The following NCKAP5L variants were observed in gnomAD, a reference collection of about 807,000 sequenced individuals.
NCKAP5L encodes nck-associated protein 5-like.
A neutral mutation model predicts 103.2 loss-of-function variants in NCKAP5L; 54 were observed. That is an observed-to-expected ratio of 0.52 (90% CI 0.42 to 0.66). NCKAP5L has a LOEUF of 0.66. NCKAP5L is among the 30% of genes least tolerant of loss of function. NCKAP5L has a pLI of 0.00. For missense variants in NCKAP5L, 1,733 were observed against 1,750.6 expected, an observed-to-expected ratio of 0.99 and a Z score of 0.18; for synonymous variants, 762 against 748.6, an observed-to-expected ratio of 1.02 and a Z score of -0.29.
intron 1 of NCKAP5L, among the ~76,000 whole-genome samples, chr12:49,809,948 C>T (rs1331482358): frequency 2.0e-5 from 3 of 152,090 alleles, no homozygotes; most frequent in Non-Finnish European, 4.4e-5. Flanking sequence ...TACATCCCCC[C>T]AACTTCCGTT....
intron 1 of NCKAP5L, among the ~76,000 whole-genome samples, chr12:49,818,820 G>A (rs1305107922): frequency 6.6e-6 from 1 of 152,156 alleles, no homozygotes; most frequent in Non-Finnish European, 1.5e-5. Context: ...CAAGGATGTG[G>A]AGAAAAGGGA....
intron 1 of NCKAP5L, among the ~76,000 whole-genome samples, chr12:49,806,691 C>T (rs1032451867): frequency 6.6e-6 from 1 of 152,238 alleles, no homozygotes; most frequent in East Asian, 1.9e-4. Context: ...CTCCTCTGCA[C>T]ACACCCAAGC....
chr12:49,799,279 T>C (rs941247388), intron 6 of NCKAP5L, among the ~76,000 whole-genome samples: 3 of 151,942 alleles, frequency 2.0e-5, no homozygotes, highest in Non-Finnish European at 2.9e-5. Flanking sequence ...TCTTTTTTTT[T>C]CTTTAAACTA....
intron 1 of NCKAP5L, among the ~76,000 whole-genome samples, chr12:49,817,509 A>T (rs1946311740): frequency 6.6e-6 from 1 of 152,188 alleles, no homozygotes; most frequent in African/African-American, 2.4e-5. Context: ...AGCTGAGCAA[A>T]AGTTTGTTCT....
At chr12:49,804,916 C>T (rs547116999) in intron 2 of NCKAP5L, 1 of 152,310 alleles carries the variant, frequency 6.6e-6, no homozygotes, top group Non-Finnish European at 1.5e-5. Flanking sequence ...TGGGTTATCC[C>T]AGGGCAAGGT....
chr12:49,816,448 G>T (rs546154826), intron 1 of NCKAP5L, among the ~76,000 whole-genome samples: 2 of 130,612 alleles, frequency 1.5e-5, no homozygotes, highest in Non-Finnish European at 3.1e-5. Flanking sequence ...GTGAGGAAGG[G>T]ACATTTTCAG....
At chr12:49,793,968 A>T (rs1171210501) in intron 8 of NCKAP5L, 72 bp from the exon 9 acceptor site, 5 of 1,350,954 alleles carry the variant, frequency 3.7e-6, no homozygotes, top group Non-Finnish European at 4.9e-6. Flanking sequence ...GCACCCGCCA[A>T]TGGTGCTGGG....
chr12:49,824,307 C>CATGG (rs1946392595), intron 1 of NCKAP5L, among the ~76,000 whole-genome samples: 1 of 152,186 alleles, frequency 6.6e-6, no homozygotes, highest in Non-Finnish European at 1.5e-5. Context: ...CCGAACAGCC[C>CATGG]CACGCCACAG....
At chr12:49,812,986 G>A (rs1300971174) in intron 1 of NCKAP5L, among the ~76,000 whole-genome samples, 2 of 152,104 alleles carry the variant, frequency 1.3e-5, no homozygotes, top group African/African-American at 4.8e-5. Flanking sequence ...CTAATACAGT[G>A]TAAATGCTAT....
At chr12:49,814,575 A>G (rs1211819257) in intron 1 of NCKAP5L, among the ~76,000 whole-genome samples, 1 of 151,436 alleles carries the variant, frequency 6.6e-6, no homozygotes, top group East Asian at 1.9e-4. Flanking sequence ...TTCCTGGATG[A>G]CTTTTCCCTT....
chr12:49,813,136 A>G (rs60062868), intron 1 of NCKAP5L, among the ~76,000 whole-genome samples: 56,296 of 152,008 alleles, frequency 0.37, 10,738 homozygotes, highest in South Asian at 0.46. Context: ...GTATAGATGT[A>G]TGTTTTCCTT....
At chr12:49,798,262 AAC>A in intron 7 of NCKAP5L, 86 bp downstream of exon 7, 1 of 1,243,852 alleles carries the variant, frequency 8.0e-7, no homozygotes, top group Admixed American at 2.0e-5. Context: ...AGCCTGGACA[AAC>A]GTCTGAGCAC....
intron 2 of NCKAP5L, 109 bp from the exon 3 acceptor site, chr12:49,804,189 C>T (rs1188887687): frequency 9.3e-7 from 1 of 1,075,050 alleles, no homozygotes; most frequent in Admixed American, 2.9e-5. Flanking sequence ...ACTGTAATAA[C>T]TCAGGGCCAG....
In NCKAP5L at chr12:49,795,247, A is replaced by T; in HGVS notation, c.2613T>A (p.Ser871Arg). 1 of 1,547,588 alleles carries T rather than the reference A, an allele frequency of 6.5e-7. No individual in the cohort carries two copies. Among genetic ancestry groups the T allele is most frequent in the Non-Finnish European group, 8.7e-7 (1 of 1,148,188 alleles). Reference protein sequence around the residue: ...TPLVPGPTDPSQGPEGLAPHS... With the variant: ...TPLVPGPTDPRQGPEGLAPHS... Reference sequence around the variant, plus strand: ...GTGGGGCCAGCCCCTCAGGGCCCTGACTTGGGTCAGTGGGGCCAGGTACTA... The same window carrying T: ...GTGGGGCCAGCCCCTCAGGGCCCTGTCTTGGGTCAGTGGGGCCAGGTACTA... Residue 871 changes from serine to arginine, a missense_variant, in exon 8 of 13, where the codon AGT (serine) becomes AGA (arginine). Coordinates refer to ENST00000335999, the MANE Select transcript of NCKAP5L (RefSeq NM_001037806.4).
rs964098631 is a variant in NCKAP5L at position 49,802,853 on chromosome 12, G to GA, written c.231+104dup. On this transcript the variant is annotated intron_variant, in intron 5 of 12. Coordinates refer to ENST00000335999, the MANE Select transcript of NCKAP5L (RefSeq NM_001037806.4). ...GACCCGCCCAAGGCGGAAAGACGGGGAATCACTGGAGGGCAACAGCCCATG... is the reference window on the plus strand; with the variant it reads ...GACCCGCCCAAGGCGGAAAGACGGGGAAATCACTGGAGGGCAACAGCCCATG... 1.2e-4 allele frequency: 160 copies of GA among 1,338,824 alleles called. No homozygotes were observed. The African/African-American group carries it at 2.1e-3, about 17-fold the overall frequency. 82.9% of individuals were successfully genotyped at this position (1,338,824 alleles called of 1,614,324 possible).
Position 49,796,860 on chromosome 12 carries a change from C to A in NCKAP5L, c.1000G>T (p.Asp334Tyr). ...RQLNLGQLLE[D>Y]TESYLQAFLA... ...AAGGCCTGTAGGTAAGACTCTGTGT[C>A]CTCAAGGAGCTGGCCCAGGTTCAAC... Residue 334 changes from aspartate (D) to tyrosine (Y), a missense_variant, in exon 8 of 13, where the codon GAC becomes TAC. By Grantham distance (160) the Asp-to-Tyr change is radical. Transcript: ENST00000335999. The A allele has an allele frequency of 6.2e-7, 1 of 1,612,774 alleles. No individual in the cohort carries two copies. Among genetic ancestry groups the A allele is most frequent in the South Asian group, 1.1e-5 (1 of 91,038 alleles).
chr12:49,803,143 T>A lies in NCKAP5L; in HGVS notation c.146A>T (p.Gln49Leu). Residue 49 changes from glutamine (Q) to leucine (L), a missense_variant, in exon 4 of 13, where the codon CAG (glutamine) becomes CTG (leucine). Physicochemically the swap from Gln to Leu is moderately radical, Grantham distance 113. Coordinates refer to ENST00000335999, the MANE Select transcript of NCKAP5L (RefSeq NM_001037806.4). The part of the protein sequence containing the change: ...ELEAENSALA[Q>L]ANENQRETYE... ...AGTCTCCCGCTGGTTTTCGTTGGCCTGGGCAAGTGCCGAGTTCTCTGCCTG... is the reference window on the plus strand; with the variant it reads ...AGTCTCCCGCTGGTTTTCGTTGGCCAGGGCAAGTGCCGAGTTCTCTGCCTG... 1 of 1,614,162 alleles carries A rather than the reference T, an allele frequency of 6.2e-7. No individual in the cohort carries two copies. The highest frequency in any genetic ancestry group is 1.7e-5 in the Admixed American group (1 of 60,028).
At chr12:49,820,313 C>CTTTTT (rs55677422) in intron 1 of NCKAP5L, among the ~76,000 whole-genome samples, 3 of 121,422 alleles carry the variant, frequency 2.5e-5, no homozygotes, top group Non-Finnish European at 5.1e-5. Context: ...ATCTCCTGGC[C>CTTTTT]TTTTTTTTTT....
At chr12:49,809,002 A>AGAAGAGC (rs564507208) in intron 1 of NCKAP5L, among the ~76,000 whole-genome samples, 222 of 151,502 alleles carry the variant, frequency 1.5e-3, no homozygotes, top group African/African-American at 5.3e-3. Context: ...AGGAGGGGGG[A>AGAAGAGC]GAAGAGCGGA....
Sources: allele counts gnomAD v4.1 joint callset (sites outside exome capture counted in the v4.1 genomes callset), GRCh38; gene constraint gnomAD v4.1.1; transcripts MANE v1.5; gene names NCBI Gene and HGNC (gene_info 2026-07-23, HGNC 2026-07-21).